The following WDR43 variants were observed in gnomAD, a reference collection of about 807,000 sequenced individuals.
WDR43 encodes WD repeat domain 43.
Under a neutral mutation model 91.4 loss-of-function variants are expected in WDR43, and 13 were observed. That is an observed-to-expected ratio of 0.14 (90% CI 0.09 to 0.23). WDR43 has a LOEUF of 0.23. WDR43 is among the 10% of genes least tolerant of loss of function. The probability of loss-of-function intolerance (pLI) is 1.00; values close to 1 mark genes in which losing one functional copy is unlikely to be tolerated. For missense variants in WDR43, 780 were observed against 809.4 expected, an observed-to-expected ratio of 0.96 and a Z score of 0.44; for synonymous variants, 331 against 287.9, an observed-to-expected ratio of 1.15 and a Z score of -1.51.
chr2:28,935,402 T>C (rs942288385), intron 11 of WDR43, 119 bp from the exon 12 acceptor site: 25 of 621,750 alleles, frequency 4.0e-5, no homozygotes, highest in Admixed American at 1.4e-4. Flanking sequence ...ATTCAGTTTG[T>C]AGTTTATTGC....
At position 28,946,439 on chromosome 2, in the gene WDR43, T is replaced by G; in HGVS notation, c.1805-11T>G. The G allele has an allele frequency of 6.2e-7, 1 of 1,605,542 alleles. No homozygotes were observed. The highest frequency in any genetic ancestry group is 8.5e-7 in the Non-Finnish European group (1 of 1,175,966). On this transcript the variant is annotated splice_polypyrimidine_tract_variant and intron_variant, in intron 16 of 17. Coordinates refer to ENST00000407426, the MANE Select transcript of WDR43 (RefSeq NM_015131.3). ...TCTAAAATTAAGGCTGGGTTCTTTCTCCCCTTACAGAGTCTTCTGAAGAGG... is the reference window on the plus strand; with the variant it reads ...TCTAAAATTAAGGCTGGGTTCTTTCGCCCCTTACAGAGTCTTCTGAAGAGG...
chr2:28,937,889 T>C, intron 13 of WDR43, 42 bp from the exon 14 acceptor site: 1 of 1,601,388 alleles, frequency 6.2e-7, no homozygotes, highest in African/African-American at 1.3e-5. Context: ...GAATTTACTT[T>C]TGAATTTGTG....
At position 28,922,797 on chromosome 2, in the gene WDR43, G is replaced by GGTTT. The variant is rs1553327945; in HGVS notation, c.850-122_850-121insGTTT. ...TTATTTTTAAATGGATTCTTGCTGT[G>GGTTT]TTTTTTTTTTTTTTTTTCTGGTTGT... On this transcript the variant is annotated intron_variant, in intron 6 of 17. Coordinates refer to ENST00000407426, the MANE Select transcript of WDR43 (RefSeq NM_015131.3). The GGTTT allele has an allele frequency of 2.1e-5, 5 of 233,874 alleles. No individual in the cohort carries two copies. In the Admixed American group the frequency reaches 2.8e-4, roughly 13 times the overall value. The allele number at this position is 233,874 out of a possible 1,614,324, so 14.5% of individuals were successfully genotyped here. A position where few individuals can be genotyped will look rare whatever the true frequency, so the allele number is the denominator to read the frequency against.
At chr2:28,941,616 G>A (rs923509097) in intron 15 of WDR43, 42 bp downstream of exon 15, 8 of 1,431,832 alleles carry the variant, frequency 5.6e-6, no homozygotes, top group Non-Finnish European at 6.8e-6. Flanking sequence ...TTTTGGACAT[G>A]GTAGGAATGG....
At chr2:28,927,837 C>T in intron 10 of WDR43, 137 bp downstream of exon 10, 2 of 1,150,748 alleles carry the variant, frequency 1.7e-6, no homozygotes, top group Non-Finnish European at 2.4e-6. Flanking sequence ...TCTCTTTTAT[C>T]TTCACCATCA....
At chr2:28,918,952 CT>C (rs1670967562) in intron 6 of WDR43, among the ~76,000 whole-genome samples, 1 of 152,118 alleles carries the variant, frequency 6.6e-6, no homozygotes, top group Non-Finnish European at 1.5e-5. Context: ...TGTTTTAATA[CT>C]TTAAAAAAGT....
At chr2:28,910,240 A>G (rs1245782919) in intron 3 of WDR43, among the ~76,000 whole-genome samples, 1 of 152,138 alleles carries the variant, frequency 6.6e-6, no homozygotes, top group East Asian at 1.9e-4. Flanking sequence ...TTCAATACTG[A>G]GTGGGGAAGT....
chr2:28,914,030 T>G, intron 4 of WDR43, 39 bp from the exon 5 acceptor site: 1 of 1,606,816 alleles, frequency 6.2e-7, no homozygotes, highest in South Asian at 1.1e-5. Flanking sequence ...TGTCCCTGCT[T>G]TGAATCTGCT....
intron 1 of WDR43, among the ~76,000 whole-genome samples, chr2:28,900,318 T>C (rs970567265): frequency 1.3e-5 from 2 of 152,070 alleles, no homozygotes; most frequent in African/African-American, 2.4e-5. Flanking sequence ...GTAGTTGGGA[T>C]TACTAGCGCC....
At chr2:28,914,979 T>C (rs543489540) in intron 5 of WDR43, among the ~76,000 whole-genome samples, 1 of 152,094 alleles carries the variant, frequency 6.6e-6, no homozygotes, top group Admixed American at 6.5e-5. Flanking sequence ...TTTAAAGAAA[T>C]TTCCTGGATT....
intron 12 of WDR43, among the ~76,000 whole-genome samples, chr2:28,936,144 T>G (rs1397256823): frequency 6.6e-6 from 1 of 152,044 alleles, no homozygotes; most frequent in African/African-American, 2.4e-5. Context: ...GATTGCACAT[T>G]TAAATAGCCA....
intron 14 of WDR43, 48 bp downstream of exon 14, chr2:28,938,042 A>G: frequency 1.3e-6 from 2 of 1,597,972 alleles, no homozygotes; most frequent in South Asian, 1.1e-5. Flanking sequence ...TTTGGCTTTG[A>G]TAAGGATTGT....
At chr2:28,912,528 T>G in intron 3 of WDR43, 62 bp from the exon 4 acceptor site, 7 of 1,570,558 alleles carry the variant, frequency 4.5e-6, no homozygotes, top group Non-Finnish European at 6.0e-6. Flanking sequence ...TTTGTTATTT[T>G]CTGCTCTGAG....
intron 15 of WDR43, 31 bp from the exon 16 acceptor site, chr2:28,942,281 T>C: frequency 6.2e-7 from 1 of 1,606,510 alleles, no homozygotes; most frequent in East Asian, 2.2e-5. Context: ...GTTTACACTC[T>C]ACTTCAGAAC....
At position 28,920,224 on chromosome 2, in the gene WDR43, C is replaced by CTTTTTT. The variant is rs751048652; in HGVS notation, c.849+2243_849+2248dup. Among the ~76,000 whole-genome samples, 613 of 108,002 alleles carry CTTTTTT rather than the reference C, an allele frequency of 5.7e-3. 2 individuals carry two copies. Among genetic ancestry groups the CTTTTTT allele is most frequent in the Non-Finnish European group, 6.9e-3 (391 of 56,478 alleles). 70.9% of individuals were successfully genotyped at this position (108,002 alleles called of 152,430 possible). Reference sequence around the variant, plus strand: ...AAATAAAAATAAATTTTTTTTCTTTCTTTTTTTTTTTTTTTTTTTGAGACA... The same window carrying CTTTTTT: ...AAATAAAAATAAATTTTTTTTCTTTCTTTTTTTTTTTTTTTTTTTTTTTTTGAGACA... On this transcript the variant is annotated intron_variant, in intron 6 of 17. Transcript: ENST00000407426.
In WDR43 at chr2:28,906,251, A is replaced by G. The variant is rs527341216; in HGVS notation, c.364-209A>G. On this transcript the variant is annotated intron_variant, in intron 2 of 17. Coordinates refer to ENST00000407426, the MANE Select transcript of WDR43 (RefSeq NM_015131.3). ...TATTTGCCTTTCACATCCTCTGCCAATGACTGGCCTCAGATCACCAGTGGA... is the reference window on the plus strand; with the variant it reads ...TATTTGCCTTTCACATCCTCTGCCAGTGACTGGCCTCAGATCACCAGTGGA... Among the ~76,000 whole-genome samples, 6 of 152,232 alleles carry G rather than the reference A, an allele frequency of 3.9e-5. No homozygotes were observed. The South Asian group carries it at 6.2e-4, about 16-fold the overall frequency.
intron 3 of WDR43, among the ~76,000 whole-genome samples, chr2:28,910,644 A>G (rs964880151): frequency 6.7e-6 from 1 of 148,906 alleles, no homozygotes; most frequent in Non-Finnish European, 1.5e-5. Context: ...AGCTTTTTAC[A>G]TATATATACA....
intron 3 of WDR43, among the ~76,000 whole-genome samples, 152 bp downstream of exon 3, chr2:28,906,733 AAC>A (rs1451043784): frequency 6.6e-6 from 1 of 152,204 alleles, no homozygotes; most frequent in African/African-American, 2.4e-5. Flanking sequence ...AAAATACTAA[AAC>A]ACATAAAATA....
At chr2:28,921,123 T>A (rs1040144568) in intron 6 of WDR43, among the ~76,000 whole-genome samples, 23 of 141,660 alleles carry the variant, frequency 1.6e-4, no homozygotes, top group Non-Finnish European at 2.6e-4. Context: ...CAGAACTTTT[T>A]AAAAAAAATT....
Sources: allele counts gnomAD v4.1 joint callset (sites outside exome capture counted in the v4.1 genomes callset), GRCh38; gene constraint gnomAD v4.1.1; transcripts MANE v1.5; gene names NCBI Gene and HGNC (gene_info 2026-07-23, HGNC 2026-07-21).